PTPRN2: variants seen among roughly 807,000 people sequenced by gnomAD.
PTPRN2 encodes the protein receptor-type tyrosine-protein phosphatase N2.
Under a neutral mutation model 118.8 loss-of-function variants are expected in PTPRN2, and 74 were observed. The observed-to-expected ratio is 0.62, with a 90% CI of 0.52 to 0.76. The LOEUF (loss-of-function observed/expected upper bound fraction) is 0.76. PTPRN2 is among the 30% of genes least tolerant of loss of function. PTPRN2 has a pLI of 0.00. For synonymous variants in PTPRN2, 641 were observed against 608.0 expected (o/e 1.05, Z -0.80); for missense variants, 1,481 against 1,394.4 (o/e 1.06, Z -0.99).
chr7:158,568,735 C>G (rs1034227187), intron 1 of PTPRN2, among the ~76,000 whole-genome samples: 1 of 151,880 alleles, frequency 6.6e-6, no homozygotes, highest in African/African-American at 2.4e-5. Flanking sequence ...ACTGGGGTAA[C>G]CTACATGTAA....
chr7:157,915,327 T>C (rs1257884189), intron 11 of PTPRN2, among the ~76,000 whole-genome samples: 1 of 152,172 alleles, frequency 6.6e-6, no homozygotes, highest in Non-Finnish European at 1.5e-5. Context: ...CTGGGAGCGT[T>C]TGAAGCTGAA....
chr7:157,581,900 G>A (rs1328868796), intron 17 of PTPRN2, among the ~76,000 whole-genome samples: 2 of 152,226 alleles, frequency 1.3e-5, no homozygotes, highest in Non-Finnish European at 2.9e-5. Flanking sequence ...GACACGGAGA[G>A]CGGCCACGCG....
chr7:158,007,832 GGT>G (rs1304295510), intron 11 of PTPRN2, among the ~76,000 whole-genome samples: 2 of 146,172 alleles, frequency 1.4e-5, no homozygotes, highest in Non-Finnish European at 3.0e-5. Flanking sequence ...TACATGTGGG[GGT>G]GTGTGGGTGT....
At chr7:158,193,119 G>C (rs1404666049) in intron 4 of PTPRN2, among the ~76,000 whole-genome samples, 1 of 152,216 alleles carries the variant, frequency 6.6e-6, no homozygotes, top group East Asian at 1.9e-4. Context: ...ATGCAGGGCA[G>C]GGACGCCGGA....
At chr7:157,643,286 T>C (rs1384669348) in intron 14 of PTPRN2, among the ~76,000 whole-genome samples, 2 of 152,214 alleles carry the variant, frequency 1.3e-5, no homozygotes, top group Admixed American at 6.5e-5. Context: ...AGACAACATA[T>C]TGAAAACTTG....
At chr7:158,073,279 C>T (rs1362282716) in intron 11 of PTPRN2, among the ~76,000 whole-genome samples, 1 of 152,224 alleles carries the variant, frequency 6.6e-6, no homozygotes, top group Non-Finnish European at 1.5e-5. Flanking sequence ...TCGGCCTCCC[C>T]TCAGCTCAGA....
intron 14 of PTPRN2, among the ~76,000 whole-genome samples, chr7:157,634,629 C>A (rs1012211936): frequency 6.6e-6 from 1 of 152,156 alleles, no homozygotes; most frequent in Non-Finnish European, 1.5e-5. Flanking sequence ...AGTGAATTAT[C>A]CCCCACAGGT....
At chr7:157,802,774 G>A (rs577855387) in intron 12 of PTPRN2, among the ~76,000 whole-genome samples, 1 of 152,174 alleles carries the variant, frequency 6.6e-6, no homozygotes, top group Non-Finnish European at 1.5e-5. Flanking sequence ...GTACAGAGAC[G>A]TATCTCATCG....
intron 12 of PTPRN2, among the ~76,000 whole-genome samples, chr7:157,741,389 A>T (rs79976925): frequency 0.035 from 5,394 of 152,254 alleles, 128 homozygotes; most frequent in Middle Eastern, 0.075. Flanking sequence ...CCTCCCTCCC[A>T]TGGGTGCCCG....
intron 2 of PTPRN2, among the ~76,000 whole-genome samples, chr7:158,372,278 C>T (rs372200580): frequency 6.6e-6 from 1 of 150,980 alleles, no homozygotes; most frequent in South Asian, 2.1e-4. Context: ...CTGATCCCCC[C>T]AACGCTGGTC....
chr7:158,567,762 GCACCCCCC>G (rs1827748636), intron 1 of PTPRN2, among the ~76,000 whole-genome samples: 1 of 152,110 alleles, frequency 6.6e-6, no homozygotes, highest in African/African-American at 2.4e-5. Context: ...ACTGGGGGCT[GCACCCCCC>G]CACACCTGAT....
At chr7:157,911,631 C>G (rs1798112145) in intron 11 of PTPRN2, among the ~76,000 whole-genome samples, 1 of 152,072 alleles carries the variant, frequency 6.6e-6, no homozygotes, top group Non-Finnish European at 1.5e-5. Flanking sequence ...AATAATAAGA[C>G]AGCAAACATC....
chr7:158,248,560 A>G (rs1255930522), intron 3 of PTPRN2, among the ~76,000 whole-genome samples: 1 of 152,192 alleles, frequency 6.6e-6, no homozygotes, highest in African/African-American at 2.4e-5. Flanking sequence ...ACATATGTGC[A>G]TATATACACC....
At chr7:158,374,178 G>C (rs1361511523) in intron 2 of PTPRN2, among the ~76,000 whole-genome samples, 1 of 152,138 alleles carries the variant, frequency 6.6e-6, no homozygotes, top group Non-Finnish European at 1.5e-5. Flanking sequence ...AGAGCTGAGG[G>C]GTTTGCTCTG....
At chr7:157,942,080 C>T (rs550950530) in intron 11 of PTPRN2, among the ~76,000 whole-genome samples, 1 of 150,178 alleles carries the variant, frequency 6.7e-6, no homozygotes, top group African/African-American at 2.5e-5. Context: ...CACCTTCACT[C>T]ATGGGAGTCC....
chr7:157,994,744 T>G (rs1341039547), intron 11 of PTPRN2, among the ~76,000 whole-genome samples: 3 of 11,586 alleles, frequency 2.6e-4, no homozygotes, highest in South Asian at 4.2e-3. Context: ...TACAACTCCT[T>G]GTTCCTAAAT....
chr7:158,490,756 C>CG (rs1821389399), intron 1 of PTPRN2, among the ~76,000 whole-genome samples: 1 of 152,256 alleles, frequency 6.6e-6, no homozygotes, highest in Non-Finnish European at 1.5e-5. Flanking sequence ...CCGACAAACG[C>CG]CTGTTCATCC....
chr7:157,927,377 A>G (rs369396302), intron 11 of PTPRN2, among the ~76,000 whole-genome samples: 10 of 92,458 alleles, frequency 1.1e-4, no homozygotes, highest in Non-Finnish European at 2.1e-4. Flanking sequence ...GTGTGCTGGG[A>G]CCCTGAAGAC....
At chr7:157,658,512 C>T (rs527315223) in intron 13 of PTPRN2, among the ~76,000 whole-genome samples, 3 of 152,334 alleles carry the variant, frequency 2.0e-5, no homozygotes, top group South Asian at 2.1e-4. Context: ...ACCACACACG[C>T]GGTGGGCATC....
Sources: gnomAD v4.1 joint callset for allele counts (sites outside exome capture counted in the v4.1 genomes callset) on GRCh38, gnomAD v4.1.1 for gene constraint, MANE v1.5 for transcripts, NCBI Gene and HGNC (gene_info 2026-07-23, HGNC 2026-07-21) for gene names.